ZMIZ1: variants seen among roughly 807,000 people sequenced by gnomAD.
ZMIZ1 encodes zinc finger MIZ-type containing 1, also known as zinc finger MIZ domain-containing protein 1.
ZMIZ1 carries 17 observed loss-of-function variants against 113.9 expected under a neutral mutation model. That is an observed-to-expected ratio of 0.15 (90% CI 0.10 to 0.22). ZMIZ1 has a LOEUF of 0.22. Among genes scored for constraint, ZMIZ1 ranks in the 10% least tolerant of loss-of-function variants. The pLI is 1.00. For missense variants in ZMIZ1, 1,059 were observed against 1,477.8 expected (o/e 0.72, Z 4.65); for synonymous variants, 607 against 603.1 (o/e 1.01, Z -0.09).
At chr10:79,282,353 G>T (rs1182300741) in intron 8 of ZMIZ1, among the ~76,000 whole-genome samples, 1 of 152,228 alleles carries the variant, frequency 6.6e-6, no homozygotes, top group African/African-American at 2.4e-5. Flanking sequence ...GGACAGTTGA[G>T]ATTTGATGCC....
At chr10:79,199,149 G>A (rs990502774) in intron 4 of ZMIZ1, among the ~76,000 whole-genome samples, 2 of 152,102 alleles carry the variant, frequency 1.3e-5, no homozygotes, top group East Asian at 1.9e-4. Flanking sequence ...CCTGGCAGGG[G>A]GCGATGGGCA....
intron 4 of ZMIZ1, among the ~76,000 whole-genome samples, chr10:79,173,994 T>C (rs926424775): frequency 3.3e-5 from 5 of 152,232 alleles, no homozygotes; most frequent in African/African-American, 1.2e-4. Flanking sequence ...TTGTTTCCGA[T>C]GGAGCTGGTC....
intron 8 of ZMIZ1, among the ~76,000 whole-genome samples, chr10:79,287,582 G>A (rs777096766): frequency 7.9e-5 from 12 of 152,214 alleles, no homozygotes; most frequent in South Asian, 2.1e-4. Context: ...ATACACATAC[G>A]ACACCTTGAC....
At chr10:79,147,415 G>A (rs951502073) in intron 3 of ZMIZ1, among the ~76,000 whole-genome samples, 1 of 152,190 alleles carries the variant, frequency 6.6e-6, no homozygotes, top group African/African-American at 2.4e-5. Flanking sequence ...ACCACCATGT[G>A]TATGGCCCCT....
chr10:79,155,692 C>G (rs1473878025), intron 3 of ZMIZ1, among the ~76,000 whole-genome samples: 1 of 152,230 alleles, frequency 6.6e-6, no homozygotes. Context: ...CAGGACTGGA[C>G]AGGGAGCAAG....
At chr10:79,201,549 G>A (rs948867840) in intron 4 of ZMIZ1, 35 bp from the exon 5 acceptor site, 15 of 1,522,352 alleles carry the variant, frequency 9.9e-6, no homozygotes, top group African/African-American at 1.4e-5. Flanking sequence ...CAGGCCTGGC[G>A]TGATCCAGTG....
chr10:79,278,584 C>T (rs550162926), intron 8 of ZMIZ1, among the ~76,000 whole-genome samples: 4 of 146,816 alleles, frequency 2.7e-5, no homozygotes, highest in Admixed American at 1.4e-4. Flanking sequence ...AGGGTCCTGC[C>T]GCCCTCCGCA....
At chr10:79,234,284 G>GT (rs1324855890) in intron 7 of ZMIZ1, among the ~76,000 whole-genome samples, 6 of 152,130 alleles carry the variant, frequency 3.9e-5, no homozygotes, top group Non-Finnish European at 7.4e-5. Flanking sequence ...AGAAGCAGAG[G>GT]TGACTCCCCA....
At chr10:79,108,459 C>A (rs1843631625) in intron 1 of ZMIZ1, among the ~76,000 whole-genome samples, 1 of 152,148 alleles carries the variant, frequency 6.6e-6, no homozygotes, top group Non-Finnish European at 1.5e-5. Flanking sequence ...GCTTTCAGCA[C>A]TGGGGATGGG....
rs572916756 is a variant in ZMIZ1 at position 79,214,682 on chromosome 10, T to C, written c.175-1487T>C. Reference sequence around the variant, plus strand: ...CTCCAGGCGCCTCTGGAGCAGGTGGTTCCTGGGGGCTTGGCAGCAGAGTCC... The same window carrying C: ...CTCCAGGCGCCTCTGGAGCAGGTGGCTCCTGGGGGCTTGGCAGCAGAGTCC... On this transcript the variant is annotated intron_variant, in intron 6 of 24. Coordinates refer to ENST00000334512, the MANE Select transcript of ZMIZ1 (RefSeq NM_020338.4). 9.7e-4 allele frequency among the ~76,000 whole-genome samples: 147 copies of C among 152,244 alleles called. 1 individual carries two copies. Among genetic ancestry groups the C allele is most frequent in the African/African-American group, 3.4e-3 (143 of 41,536 alleles).
At chr10:79,290,775 C>T (rs546525715) in intron 9 of ZMIZ1, 184 bp from the exon 10 acceptor site, 10 of 750,416 alleles carry the variant, frequency 1.3e-5, no homozygotes, top group South Asian at 5.9e-5. Flanking sequence ...CGCCACCTGC[C>T]GCCCAGGCCC....
rs1316440411 is a variant in ZMIZ1, at chr10:79,315,815, C to A, written c.*3066C>A. 2.0e-5 allele frequency: 3 copies of A among 152,488 alleles called. No individual in the cohort carries two copies. Among genetic ancestry groups the A allele is most frequent in the Non-Finnish European group, 4.4e-5 (3 of 68,000 alleles). The allele number at this position is 152,488 out of a possible 1,614,324, so 9.4% of individuals were successfully genotyped here. On this transcript the variant is annotated 3_prime_UTR_variant, in exon 25 of 25. Transcript: ENST00000334512. Reference sequence around the variant, plus strand: ...GACGTGTCAACAGATGCATTCATTTCTCTTGGAATGTGTATTGTTTTTATT... The same window carrying A: ...GACGTGTCAACAGATGCATTCATTTATCTTGGAATGTGTATTGTTTTTATT...
intron 7 of ZMIZ1, among the ~76,000 whole-genome samples, chr10:79,221,488 C>T (rs925840241): frequency 6.6e-6 from 1 of 152,248 alleles, no homozygotes; most frequent in African/African-American, 2.4e-5. Flanking sequence ...GGTCACCTGC[C>T]TGGCCCGGCA....
At chr10:79,125,056 C>T (rs1297111805) in intron 2 of ZMIZ1, among the ~76,000 whole-genome samples, 1 of 152,244 alleles carries the variant, frequency 6.6e-6, no homozygotes, top group African/African-American at 2.4e-5. Context: ...AGGTTGGAGG[C>T]TTGTCCACTG....
At chr10:79,188,629 C>T (rs1347965400) in intron 4 of ZMIZ1, among the ~76,000 whole-genome samples, 1 of 151,444 alleles carries the variant, frequency 6.6e-6, no homozygotes, top group Non-Finnish European at 1.5e-5. Flanking sequence ...CCCCCACCCC[C>T]CTAGTATCCC....
intron 7 of ZMIZ1, among the ~76,000 whole-genome samples, chr10:79,257,737 G>A (rs533017808): frequency 6.6e-6 from 1 of 152,328 alleles, no homozygotes; most frequent in East Asian, 1.9e-4. Context: ...GGTGTCCAGT[G>A]GAAAGACGGG....
rs989027386 is a variant in ZMIZ1, at chr10:79,296,211, A to G, written c.1231-260A>G. On this transcript the variant is annotated intron_variant, in intron 12 of 24. Coordinates refer to ENST00000334512, the MANE Select transcript of ZMIZ1 (RefSeq NM_020338.4). This position sits in a 1 kb window ranked among gnomAD's most constrained non-coding sequence, Gnocchi z 4.1. ...TAATGGTGTGAGCAAGAGGCTCTGA[A>G]AGTGTCCCTGGAGTTCAGGGGCACA... 9.1e-6 allele frequency: 5 copies of G among 548,714 alleles called. No individual in the cohort carries two copies. The African/African-American group carries it at 9.6e-5, about 11-fold the overall frequency. 34.0% of individuals were successfully genotyped at this position (548,714 alleles called of 1,614,324 possible).
intron 1 of ZMIZ1, among the ~76,000 whole-genome samples, chr10:79,090,993 T>C (rs1249998): frequency 0.71 from 107,645 of 152,164 alleles, 39,365 homozygotes; most frequent in African/African-American, 0.91. Flanking sequence ...CTTGGGGGGC[T>C]CACACTCACC....
intron 7 of ZMIZ1, among the ~76,000 whole-genome samples, chr10:79,253,271 G>C (rs945441078): frequency 6.6e-6 from 1 of 152,226 alleles, no homozygotes; most frequent in African/African-American, 2.4e-5. Flanking sequence ...ACTAGGACGT[G>C]TGGGGGTCGT....
Sources: allele counts gnomAD v4.1 joint callset (sites outside exome capture counted in the v4.1 genomes callset), GRCh38; gene constraint gnomAD v4.1.1; non-coding constraint Gnocchi (gnomAD v3.1); transcripts MANE v1.5; gene names NCBI Gene and HGNC (gene_info 2026-07-23, HGNC 2026-07-21).